ARFGEF1: variants seen among roughly 807,000 people sequenced by gnomAD.
The protein encoded by ARFGEF1 is ARF guanine nucleotide exchange factor 1.
ARFGEF1 carries 42 observed loss-of-function variants against 231.0 expected under a neutral mutation model. The observed-to-expected ratio is 0.18, with a 90% CI of 0.14 to 0.24. The LOEUF is 0.24. ARFGEF1 is among the 10% of genes least tolerant of loss of function. The pLI is 1.00. For missense variants in ARFGEF1, 1,345 were observed against 2,192.0 expected (o/e 0.61, Z 7.72); for synonymous variants, 710 against 732.3 (o/e 0.97, Z 0.49).
chr8:67,181,338 ATTTT>A (rs58029238), intron 5 of ARFGEF1, among the ~76,000 whole-genome samples: 6 of 112,658 alleles, frequency 5.3e-5, no homozygotes, highest in African/African-American at 1.6e-4. Flanking sequence ...GTACCTGGCC[ATTTT>A]TTTTTTTTTT....
At chr8:67,289,416 T>C (rs909091597) in intron 6 of ARFGEF1, among the ~76,000 whole-genome samples, 6 of 151,708 alleles carry the variant, frequency 4.0e-5, no homozygotes, top group African/African-American at 1.5e-4. Context: ...TAGCTGGGTA[T>C]GGTGACACCT....
At chr8:67,258,782 A>T (rs937219805) in intron 15 of ARFGEF1, among the ~76,000 whole-genome samples, 1 of 151,776 alleles carries the variant, frequency 6.6e-6, no homozygotes, top group African/African-American at 2.4e-5. Flanking sequence ...ATATCAGGAT[A>T]TTCTTTTCAG....
chr8:67,232,997 A>C (rs1490619144), intron 22 of ARFGEF1, 52 bp from the exon 23 acceptor site: 1 of 1,401,534 alleles, frequency 7.1e-7, no homozygotes, highest in East Asian at 2.3e-5. Context: ...TCAGTAGAAG[A>C]ATACACTTAA....
At chr8:67,190,219 T>C (rs1423179758) in intron 5 of ARFGEF1, among the ~76,000 whole-genome samples, 2 of 152,234 alleles carry the variant, frequency 1.3e-5, no homozygotes, top group Admixed American at 1.3e-4. Flanking sequence ...GACGTATCCA[T>C]ATGATGGAGT....
intron 7 of ARFGEF1, among the ~76,000 whole-genome samples, chr8:67,284,369 TAGA>T (rs113374899): frequency 6.4e-4 from 98 of 152,190 alleles, no homozygotes; most frequent in African/African-American, 2.1e-3. Flanking sequence ...TGATTACCTA[TAGA>T]AGGAGGATCA....
downstream of ARFGEF1, among the ~76,000 whole-genome samples, chr8:67,195,082 G>C (rs1007196965): frequency 6.6e-6 from 1 of 152,164 alleles, no homozygotes; most frequent in South Asian, 2.1e-4. Context: ...TGTTGACTTT[G>C]TTTTATGGAG....
At chr8:67,276,132 A>T in intron 8 of ARFGEF1, 23 bp from the exon 9 acceptor site, 1 of 1,611,274 alleles carries the variant, frequency 6.2e-7, no homozygotes, top group Non-Finnish European at 8.5e-7. Flanking sequence ...ACATACCATG[A>T]AAATTTTAGA....
At chr8:67,340,973 G>A (rs1157155563) in intron 1 of ARFGEF1, among the ~76,000 whole-genome samples, 1 of 152,188 alleles carries the variant, frequency 6.6e-6, no homozygotes, top group African/African-American at 2.4e-5. Context: ...AATACCCAAT[G>A]CACGAGTTAA....
chr8:67,329,633 T>C (rs546166658), intron 1 of ARFGEF1, among the ~76,000 whole-genome samples: 3 of 151,092 alleles, frequency 2.0e-5, no homozygotes, highest in African/African-American at 7.3e-5. Context: ...CTTAAGAACA[T>C]TTAATTTCCA....
chr8:67,244,482 TAG>T (rs1396922107), intron 19 of ARFGEF1, among the ~76,000 whole-genome samples: 2 of 149,052 alleles, frequency 1.3e-5, no homozygotes, highest in Non-Finnish European at 3.0e-5. Context: ...CTAATTTTTG[TAG>T]AGATGGGGCT....
intron 7 of ARFGEF1, among the ~76,000 whole-genome samples, chr8:67,283,148 A>T (rs1805607968): frequency 6.6e-6 from 1 of 152,222 alleles, no homozygotes; most frequent in African/African-American, 2.4e-5. Context: ...AATGCAAATT[A>T]AAACAATACA....
chr8:67,213,756 A>T (rs1012125456), intron 33 of ARFGEF1, among the ~76,000 whole-genome samples: 1 of 152,186 alleles, frequency 6.6e-6, no homozygotes, highest in Non-Finnish European at 1.5e-5. Flanking sequence ...ACTGAGCAAA[A>T]CAGGTTTTCC....
chr8:67,222,736 C>T (rs577950884), intron 29 of ARFGEF1, among the ~76,000 whole-genome samples: 223 of 152,330 alleles, frequency 1.5e-3, no homozygotes, highest in African/African-American at 5.1e-3. Context: ...TAGGTATGGC[C>T]ACCATGCCTG....
In ARFGEF1 at chr8:67,198,679, G is replaced by C. The variant is rs1269749263; in HGVS notation, c.*255C>G. ...GGGCTTTTCCTGCCGTGGAAGACAG[G>C]GAAGGACCCGTGAGCATGAGCTGAC... On this transcript the variant is annotated 3_prime_UTR_variant, in exon 39 of 39. Transcript: ENST00000262215. The C allele has an allele frequency of 1.7e-6, 2 of 1,189,520 alleles. No homozygotes were observed. Among genetic ancestry groups the C allele is most frequent in the African/African-American group, 3.2e-5 (2 of 61,616 alleles). The allele number at this position is 1,189,520 out of a possible 1,614,324, so 73.7% of individuals were successfully genotyped here.
chr8:67,265,445 T>C, intron 14 of ARFGEF1, among the ~76,000 whole-genome samples: 1 of 152,142 alleles, frequency 6.6e-6, no homozygotes, highest in East Asian at 1.9e-4. Flanking sequence ...GAAGGCAGCA[T>C]GGTGACATTC....
At chr8:67,199,216 C>A in intron 38 of ARFGEF1, 118 bp from the exon 39 acceptor site, 1 of 1,195,696 alleles carries the variant, frequency 8.4e-7, no homozygotes, top group South Asian at 1.5e-5. Context: ...GGGTCCACAG[C>A]AGGCAGTGAC....
intron 33 of ARFGEF1, among the ~76,000 whole-genome samples, chr8:67,213,742 CA>C (rs910241770): frequency 6.6e-6 from 1 of 152,200 alleles, no homozygotes; most frequent in African/African-American, 2.4e-5. Context: ...TGAAAGCCTT[CA>C]AAACTGAGCA....
At chr8:67,238,164 T>C (rs1197740234) in intron 22 of ARFGEF1, among the ~76,000 whole-genome samples, 179 bp downstream of exon 22, 1 of 152,234 alleles carries the variant, frequency 6.6e-6, no homozygotes, top group Non-Finnish European at 1.5e-5. Context: ...AAGGGTCATT[T>C]AATGTTGCAA....
chr8:67,280,997 A>C (rs1193093851), intron 7 of ARFGEF1, among the ~76,000 whole-genome samples: 1 of 152,072 alleles, frequency 6.6e-6, no homozygotes, highest in Non-Finnish European at 1.5e-5. Flanking sequence ...GGAATGTTGC[A>C]ATAATACACA....
Sources: gnomAD v4.1 joint callset for allele counts (sites outside exome capture counted in the v4.1 genomes callset) on GRCh38, gnomAD v4.1.1 for gene constraint, MANE v1.5 for transcripts, NCBI Gene and HGNC (gene_info 2026-07-23, HGNC 2026-07-21) for gene names.